The following WRAP53 variants were observed in gnomAD, a reference collection of about 807,000 sequenced individuals.
WRAP53 encodes WD repeat containing antisense to TP53, also known as telomerase Cajal body protein 1.
In WRAP53, 28 loss-of-function variants were observed where a neutral mutation model predicts 56.6. The observed-to-expected ratio is 0.50, with a 90% CI of 0.37 to 0.68. WRAP53 has a LOEUF of 0.68. WRAP53 is among the 30% of genes least tolerant of loss of function. The pLI, the probability that WRAP53 is intolerant of heterozygous loss-of-function variation, is 0.00. For synonymous variants in WRAP53, 283 were observed against 283.4 expected, an observed-to-expected ratio of 1.00 and a Z score of 0.01; for missense variants, 671 against 715.5, an observed-to-expected ratio of 0.94 and a Z score of 0.71.
In WRAP53 at chr17:7,689,272, C is replaced by T. The variant is rs1422709857; in HGVS notation, c.480C>T (p.Ser160=). The T allele has an allele frequency of 4.3e-6, 7 of 1,614,038 alleles. 1 individual carries two copies. The South Asian group carries it at 6.6e-5, about 15-fold the overall frequency. The stretch of plus-strand genomic sequence containing the variant: ...AGCTGCCTCGATTTCTCAGTGGTTC[C>T]TGGTCAGAGTTCAGCACCCAACCTG... ...FSQLPRFLSG[S]WSEFSTQPEN... is the part of the protein sequence containing the mutation. Residue 160 remains serine (S), a synonymous_variant, in exon 3 of 11, where the codon TCC becomes TCT. Transcript: ENST00000396463.
At position 7,702,591 on chromosome 17, in the gene WRAP53, G is replaced by T. The variant is rs1184240679; in HGVS notation, c.1164+39G>T. The T allele has an allele frequency of 1.3e-6, 2 of 1,599,008 alleles. No individual in the cohort carries two copies. Among genetic ancestry groups the T allele is most frequent in the East Asian group, 2.2e-5 (1 of 44,646 alleles). ...CCTGAGAGCCCAAAGCAGCTGGGCA[G>T]CGGGGCAGGAGCAGGGATGTAGTCT... On this transcript the variant is annotated intron_variant, in intron 8 of 10. Transcript: ENST00000396463. This position sits in a 1 kb window ranked among gnomAD's most constrained non-coding sequence, Gnocchi z 5.0.
At position 7,703,279 on chromosome 17, in the gene WRAP53, C is replaced by T. The variant is rs760046060; in HGVS notation, c.1440C>T (p.Ser480=). Residue 480 remains serine (S), a synonymous_variant, in exon 11 of 11, where the codon TCC becomes TCT. Coordinates refer to ENST00000396463, the MANE Select transcript of WRAP53 (RefSeq NM_001143992.2). ...GCCTGCCTCTCCTGGCCACTGCCTCCGGTCAGCGTGTGTTTCCTGAGCCCA... is the reference window on the plus strand; with the variant it reads ...GCCTGCCTCTCCTGGCCACTGCCTCTGGTCAGCGTGTGTTTCCTGAGCCCA... ...HPSLPLLATA[S]GQRVFPEPTE... is the part of the protein sequence containing the mutation. The T allele has an allele frequency of 1.4e-5, 22 of 1,613,670 alleles. 1 individual carries two copies. The highest frequency in any genetic ancestry group is 6.6e-5 in the South Asian group (6 of 91,082).
chr17:7,697,304 AG>A (rs2074198880), intron 4 of WRAP53, among the ~76,000 whole-genome samples: 1 of 138,156 alleles, frequency 7.2e-6, no homozygotes, highest in Admixed American at 7.3e-5. Flanking sequence ...CTGGGGACAG[AG>A]GGAGACTCTG....
intron 4 of WRAP53, among the ~76,000 whole-genome samples, chr17:7,693,628 G>A (rs2074143530): frequency 6.6e-6 from 1 of 152,064 alleles, no homozygotes; most frequent in African/African-American, 2.4e-5. Flanking sequence ...TTTGAGGCAG[G>A]AGAATTGCTT....
At chr17:7,688,376 G>A, upstream of WRAP53, 1 of 521,484 alleles carries the variant, frequency 1.9e-6, no homozygotes, top group South Asian at 2.2e-5. Context: ...TCCGTGGGTC[G>A]CCCGCGAAAT....
At position 7,701,873 on chromosome 17, in the gene WRAP53, T is replaced by A. The variant is rs903350723; in HGVS notation, c.955+84T>A. The A allele has an allele frequency of 5.8e-6, 9 of 1,553,716 alleles. No individual in the cohort carries two copies. The highest frequency in any genetic ancestry group is 7.8e-6 in the Non-Finnish European group (9 of 1,150,546). ...GGCCTTTTGTGAGCCGGGGGCCACC[T>A]GTGGGGGTTCACGCCGTCCTCTGTA... On this transcript the variant is annotated intron_variant, in intron 7 of 10. Transcript: ENST00000396463. The surrounding 1 kb of genome is among the most constrained non-coding windows in gnomAD (Gnocchi z 4.2).
intron 4 of WRAP53, among the ~76,000 whole-genome samples, chr17:7,695,374 T>C (rs2074169458): frequency 6.6e-6 from 1 of 152,172 alleles, no homozygotes; most frequent in Non-Finnish European, 1.5e-5. Context: ...TCTCCTTTCT[T>C]TTCCACCTTT....
At chr17:7,696,155 C>A (rs2151091175) in intron 4 of WRAP53, among the ~76,000 whole-genome samples, 1 of 152,034 alleles carries the variant, frequency 6.6e-6, no homozygotes, top group African/African-American at 2.4e-5. Context: ...AGGATTCAGC[C>A]AGGAGGAGTC....
At chr17:7,694,742 C>T (rs1264083744) in intron 4 of WRAP53, among the ~76,000 whole-genome samples, 1 of 151,918 alleles carries the variant, frequency 6.6e-6, no homozygotes, top group Non-Finnish European at 1.5e-5. Flanking sequence ...GTGGGAGGAT[C>T]GCTTGAGCCT....
chr17:7,693,457 G>A (rs1341947541), intron 4 of WRAP53, among the ~76,000 whole-genome samples: 6 of 152,164 alleles, frequency 3.9e-5, no homozygotes, highest in Admixed American at 2.0e-4. Context: ...GGTGGCTCAC[G>A]CCTATAATCC....
intron 4 of WRAP53, among the ~76,000 whole-genome samples, chr17:7,691,053 A>G (rs141766605): frequency 2.9e-4 from 44 of 152,154 alleles, no homozygotes; most frequent in African/African-American, 9.4e-4. Flanking sequence ...CTACAAAAAT[A>G]CAAAAATTAG....
Position 7,703,353 on chromosome 17 carries a change from C to G in WRAP53, c.1514C>G (p.Thr505Arg). 1.2e-6 allele frequency: 2 copies of G among 1,613,928 alleles called. No homozygotes were observed. The highest frequency in any genetic ancestry group is 1.7e-6 in the Non-Finnish European group (2 of 1,179,976). The change falls in exon 11 of 11, where the codon ACG becomes AGG. Residue 505 changes from threonine (T) to arginine (R), a missense_variant. By Grantham distance (71) the Thr-to-Arg change is moderately conservative. Transcript: ENST00000396463. ...GEELGLPLLS[T>R]RHVHLECRLQ... is the part of the protein sequence containing the mutation. ...GAGCTGGGCCTTCCCTTGCTCTCCACGCGCCACGTCCACCTTGAATGTCGG... is the reference window on the plus strand; with the variant it reads ...GAGCTGGGCCTTCCCTTGCTCTCCAGGCGCCACGTCCACCTTGAATGTCGG...
In WRAP53 at chr17:7,688,721, CCTT is replaced by C; in HGVS notation, c.76_78del (p.Ser26del). The C allele has an allele frequency of 6.2e-7, 1 of 1,614,218 alleles. No individual in the cohort carries two copies. Among genetic ancestry groups the C allele is most frequent in the Non-Finnish European group, 8.5e-7 (1 of 1,180,036 alleles). ...AGACCAGGACCCAGCTCCAGCCCAT[CCTT>C]CTCCCCACGCTTCCCCGATGAATAA... On this transcript the variant is annotated inframe_deletion, in exon 2 of 11. Coordinates refer to ENST00000396463, the MANE Select transcript of WRAP53 (RefSeq NM_001143992.2).
chr17:7,689,111 T>G (rs1228243832), intron 2 of WRAP53, 32 bp downstream of exon 2: 1 of 1,614,090 alleles, frequency 6.2e-7, no homozygotes, highest in Admixed American at 1.7e-5. Flanking sequence ...GTGTGGAGTC[T>G]GGGGAGATGA....
intron 4 of WRAP53, among the ~76,000 whole-genome samples, chr17:7,700,184 G>C (rs1475859686): frequency 3.9e-5 from 6 of 151,926 alleles, no homozygotes; most frequent in Non-Finnish European, 8.8e-5. Context: ...GAGTATCTGG[G>C]ATTACAGGTG....
intron 2 of WRAP53, 23 bp from the exon 3 acceptor site, chr17:7,689,201 A>G (rs773340183): frequency 6.2e-7 from 1 of 1,613,404 alleles, no homozygotes; most frequent in South Asian, 1.1e-5. Flanking sequence ...ACCCAGGTTT[A>G]TTGTCCCCCA....
rs533764014 is a variant in WRAP53, at chr17:7,701,900, G to A, written c.955+111G>A. 4.0e-6 allele frequency: 6 copies of A among 1,517,060 alleles called. No individual in the cohort carries two copies. Among genetic ancestry groups the A allele is most frequent in the East Asian group, 4.9e-5 (2 of 40,866 alleles). 94.0% of individuals were successfully genotyped at this position (1,517,060 alleles called of 1,614,324 possible). A position where few individuals can be genotyped will look rare whatever the true frequency, so the allele number is the denominator to read the frequency against. On this transcript the variant is annotated intron_variant, in intron 7 of 10. Transcript: ENST00000396463. This position sits in a 1 kb window ranked among gnomAD's most constrained non-coding sequence, Gnocchi z 4.2. The stretch of plus-strand genomic sequence containing the variant: ...TGGGGGTTCACGCCGTCCTCTGTAC[G>A]GCCCCGGGAGCAGGTGCAGCCCAGT...
upstream of WRAP53, chr17:7,688,472 A>G (rs547538493): frequency 1.2e-5 from 8 of 681,640 alleles, no homozygotes; most frequent in African/African-American, 1.4e-4. Context: ...GGTGCTAAGG[A>G]ACACAGTGCT....
chr17:7,692,962 C>T (rs1311508227), intron 4 of WRAP53, among the ~76,000 whole-genome samples: 1 of 151,566 alleles, frequency 6.6e-6, no homozygotes, highest in African/African-American at 2.4e-5. Flanking sequence ...ACCATGGTCT[C>T]GATCTCCTGA....
Sources: allele counts gnomAD v4.1 joint callset (sites outside exome capture counted in the v4.1 genomes callset), GRCh38; gene constraint gnomAD v4.1.1; non-coding constraint Gnocchi (gnomAD v3.1); transcripts MANE v1.5; gene names NCBI Gene and HGNC (gene_info 2026-07-23, HGNC 2026-07-21).